BCL9: variants seen among roughly 807,000 people sequenced by gnomAD.
The protein encoded by BCL9 is B-cell CLL/lymphoma 9 protein.
A neutral mutation model predicts 88.5 loss-of-function variants in BCL9; 25 were observed. That is an observed-to-expected ratio of 0.28 (90% CI 0.21 to 0.39). The LOEUF is 0.39. Among genes scored for constraint, BCL9 ranks in the 10% least tolerant of loss-of-function variants. The probability of loss-of-function intolerance (pLI) is 1.00; values close to 1 mark genes in which losing one functional copy is unlikely to be tolerated. For missense variants in BCL9, 1,817 were observed against 1,877.8 expected, an observed-to-expected ratio of 0.97 and a Z score of 0.60; for synonymous variants, 711 against 673.3, an observed-to-expected ratio of 1.06 and a Z score of -0.87.
chr1:147,600,027 A>C (rs1553200999), intron 1 of BCL9, among the ~76,000 whole-genome samples: 2 of 110,222 alleles, frequency 1.8e-5, no homozygotes, highest in South Asian at 3.2e-4. Context: ...GGGAGGGGGC[A>C]CCCTCCGCTC....
Position 147,620,957 on chromosome 1 carries a change from C to T in BCL9, c.2802C>T (p.Thr934=), listed in dbSNP as rs1553205276. The part of the protein sequence containing the change: ...PSLPAPSPGW[T]SSPKPPLQSP... The stretch of plus-strand genomic sequence containing the variant: ...TTCCTGCCCCGTCACCTGGATGGAC[C>T]TCTTCTCCAAAACCTCCCCTTCAGA... Residue 934 remains threonine (T), a synonymous_variant, in exon 8 of 10, where the codon ACC becomes ACT. Coordinates refer to ENST00000234739, the MANE Select transcript of BCL9 (RefSeq NM_004326.4). 3.1e-6 allele frequency: 5 copies of T among 1,614,180 alleles called. No individual in the cohort carries two copies. In the South Asian group the frequency reaches 4.4e-5, roughly 14 times the overall value.
intron 2 of BCL9, among the ~76,000 whole-genome samples, chr1:147,606,060 C>T (rs1458808216): frequency 1.3e-5 from 2 of 152,204 alleles, no homozygotes; most frequent in Non-Finnish European, 2.9e-5. Flanking sequence ...CAGTCTGCAA[C>T]TTGCTTCTCC....
intron 1 of BCL9, among the ~76,000 whole-genome samples, chr1:147,568,016 C>T (rs117395028): frequency 0.012 from 1,895 of 152,326 alleles, 22 homozygotes; most frequent in East Asian, 0.056. Flanking sequence ...CATACAGCTG[C>T]ATCTCTCTGT....
chr1:147,567,546 A>T (rs1655664701), intron 1 of BCL9, among the ~76,000 whole-genome samples: 1 of 152,252 alleles, frequency 6.6e-6, no homozygotes, highest in Non-Finnish European at 1.5e-5. Context: ...GAGCAAAAGC[A>T]GGAATAAAAT....
rs782612704 is a variant in BCL9, at chr1:147,620,115, C to T, written c.1960C>T (p.Pro654Ser). 1.2e-6 allele frequency: 2 copies of T among 1,614,162 alleles called. No individual in the cohort carries two copies. ...PPGMAMEGIR[P>S]SMEMNRMIPG... ...AGGGATGGCCATGGAAGGCATCAGG[C>T]CCAGCATGGAGATGAACAGGATGAT... Residue 654 changes from proline (P) to serine (S), a missense_variant, in exon 8 of 10, where the codon CCC becomes TCC. This residue lies in a region of BCL9 where 1,228 missense variants were observed against 1,191.6 expected (regional missense o/e 1.03). Coordinates refer to ENST00000234739, the MANE Select transcript of BCL9 (RefSeq NM_004326.4).
intron 1 of BCL9, among the ~76,000 whole-genome samples, chr1:147,574,252 G>T (rs896049912): frequency 1.3e-5 from 2 of 152,118 alleles, no homozygotes; most frequent in Admixed American, 1.3e-4. Flanking sequence ...GCTGTGTGGG[G>T]GTCAGCTTTT....
intron 6 of BCL9, among the ~76,000 whole-genome samples, chr1:147,615,208 T>C (rs890392840): frequency 3.9e-5 from 6 of 152,190 alleles, no homozygotes; most frequent in Admixed American, 3.9e-4. Context: ...CTACCTATTA[T>C]TATTTTCTAA....
intron 1 of BCL9, among the ~76,000 whole-genome samples, chr1:147,542,786 G>T (rs1553193926): frequency 6.6e-6 from 1 of 152,088 alleles, no homozygotes; most frequent in East Asian, 1.9e-4. Context: ...TTTTAAAGAA[G>T]GTCAATGTAA....
chr1:147,614,503 A>G lies in BCL9; in HGVS notation c.447A>G (p.Thr149=), dbSNP rs1658169827. 6.2e-7 allele frequency: 1 copy of G among 1,613,960 alleles called. No individual in the cohort carries two copies. The highest frequency in any genetic ancestry group is 1.1e-5 in the South Asian group (1 of 91,088). The change falls in exon 6 of 10, where the codon ACA becomes ACG. Residue 149 remains threonine, a synonymous_variant. Coordinates refer to ENST00000234739, the MANE Select transcript of BCL9 (RefSeq NM_004326.4). ...TPHSMTPSNA[T]APRSSTPSHG... ...ACTCGATGACCCCATCAAATGCTAC[A>G]GCCCCCAGGTCTTCTACCCCCTCCC...
intron 1 of BCL9, among the ~76,000 whole-genome samples, chr1:147,596,956 T>C (rs1162865740): frequency 6.6e-6 from 1 of 152,198 alleles, no homozygotes; most frequent in African/African-American, 2.4e-5. Flanking sequence ...ACTAGCTGGC[T>C]GAGTGGGCTC....
At chr1:147,562,164 A>G (rs903705456) in intron 1 of BCL9, among the ~76,000 whole-genome samples, 2 of 152,136 alleles carry the variant, frequency 1.3e-5, no homozygotes, top group Non-Finnish European at 2.9e-5. Flanking sequence ...CCCTGTCTCT[A>G]CTAAAAATAC....
chr1:147,595,865 T>G (rs1657025320), intron 1 of BCL9, among the ~76,000 whole-genome samples: 1 of 152,082 alleles, frequency 6.6e-6, no homozygotes, highest in South Asian at 2.1e-4. Context: ...ATGGTTAAAT[T>G]GGAAAAGTGG....
intron 1 of BCL9, among the ~76,000 whole-genome samples, chr1:147,573,956 C>T (rs896102353): frequency 6.6e-6 from 1 of 151,814 alleles, no homozygotes; most frequent in African/African-American, 2.4e-5. Context: ...TATTATGGTG[C>T]CTTGAAGGGA....
At chr1:147,598,978 A>G (rs1553200765) in intron 1 of BCL9, among the ~76,000 whole-genome samples, 1 of 152,216 alleles carries the variant, frequency 6.6e-6, no homozygotes, top group Non-Finnish European at 1.5e-5. Context: ...GTGTAATCTA[A>G]TGGGCTACCC....
At chr1:147,570,299 A>G (rs1396844413) in intron 1 of BCL9, among the ~76,000 whole-genome samples, 2 of 152,204 alleles carry the variant, frequency 1.3e-5, no homozygotes, top group Non-Finnish European at 2.9e-5. Context: ...TAGCTAAGGA[A>G]AAGGAGAAAG....
Position 147,624,644 on chromosome 1 carries a change from C to T in BCL9, c.3966C>T (p.Leu1322=), listed in dbSNP as rs782630352. ...GHNPMRPPAF[L]QQGMMGPHHR... ...ACCCCATGAGACCACCAGCCTTTCTCCAACAAGGCATGATGGGACCTCACC... is the reference window on the plus strand; with the variant it reads ...ACCCCATGAGACCACCAGCCTTTCTTCAACAAGGCATGATGGGACCTCACC... The change falls in exon 10 of 10, where the codon CTC becomes CTT. Residue 1322 remains leucine (L), a synonymous_variant. Coordinates refer to ENST00000234739, the MANE Select transcript of BCL9 (RefSeq NM_004326.4). The surrounding 1 kb of genome is among the most constrained non-coding windows in gnomAD (Gnocchi z 4.4). The T allele has an allele frequency of 2.5e-6, 4 of 1,614,212 alleles. No homozygotes were observed. The Admixed American group carries it at 6.7e-5, about 27-fold the overall frequency.
At position 147,564,938 on chromosome 1, in the gene BCL9, A is replaced by C. The variant is rs371702789; in HGVS notation, c.-478+23264A>C. Among the ~76,000 whole-genome samples the C allele has an allele frequency of 4.5e-4, 68 of 152,342 alleles. No homozygotes were observed. In the South Asian group the frequency reaches 0.013, roughly 30 times the overall value. Reference sequence around the variant, plus strand: ...TAAATTAATAAATAAAAATTTAAAAATTCAGCTCTTTAGTCACACTAGCCT... The same window carrying C: ...TAAATTAATAAATAAAAATTTAAAACTTCAGCTCTTTAGTCACACTAGCCT... On this transcript the variant is annotated intron_variant, in intron 1 of 9. Coordinates refer to ENST00000234739, the MANE Select transcript of BCL9 (RefSeq NM_004326.4).
At chr1:147,567,051 G>T (rs1182940290) in intron 1 of BCL9, among the ~76,000 whole-genome samples, 1 of 152,150 alleles carries the variant, frequency 6.6e-6, no homozygotes. Context: ...TCCAACGTGG[G>T]TAAGGAGTTC....
chr1:147,572,447 C>T (rs1316481819), intron 1 of BCL9, among the ~76,000 whole-genome samples: 1 of 152,224 alleles, frequency 6.6e-6, no homozygotes, highest in African/African-American at 2.4e-5. Flanking sequence ...CATTGATAGA[C>T]ATCACTTCCA....
Sources: gnomAD v4.1 joint callset for allele counts (sites outside exome capture counted in the v4.1 genomes callset) on GRCh38, gnomAD v4.1.1 for gene constraint, gnomAD v4.1.1 regional missense constraint, Gnocchi (gnomAD v3.1) non-coding constraint, MANE v1.5 for transcripts, NCBI Gene and HGNC (gene_info 2026-07-23, HGNC 2026-07-21) for gene names.